The following DPP6 variants were observed in gnomAD, a reference collection of about 807,000 sequenced individuals.
The protein encoded by DPP6 is dipeptidyl peptidase like 6.
DPP6 carries 69 observed loss-of-function variants against 122.6 expected under a neutral mutation model. That is an observed-to-expected ratio of 0.56 (90% CI 0.46 to 0.69). The LOEUF (loss-of-function observed/expected upper bound fraction) is 0.69. Ranked by LOEUF, DPP6 falls within the 30% of genes least tolerant of loss-of-function variation. The pLI, the probability that DPP6 is intolerant of heterozygous loss-of-function variation, is 0.00. For synonymous variants in DPP6, 418 were observed against 433.1 expected, an observed-to-expected ratio of 0.97 and a Z score of 0.43; for missense variants, 928 against 1,116.9, an observed-to-expected ratio of 0.83 and a Z score of 2.41.
the DPP6 span, among the ~76,000 whole-genome samples, chr7:153,837,837 ATTTTTTTTT>A: frequency 0.019 from 1,506 of 80,664 alleles, 41 homozygotes; most frequent in East Asian, 0.076. Context: ...TGCCTGGTTA[ATTTTTTTTT>A]TTTTTTTTTT....
At chr7:154,245,184 C>G (rs1801893525) in intron 1 of DPP6, among the ~76,000 whole-genome samples, 1 of 151,544 alleles carries the variant, frequency 6.6e-6, no homozygotes, top group African/African-American at 2.4e-5. Flanking sequence ...AACTCCTGAC[C>G]TCAAGTGATC....
At chr7:154,102,754 C>G (rs1355304837) in intron 1 of DPP6, among the ~76,000 whole-genome samples, 4 of 152,156 alleles carry the variant, frequency 2.6e-5, no homozygotes, top group Admixed American at 2.6e-4. Context: ...TCAGACAACC[C>G]TAGCTCCCTT....
intron 3 of DPP6, among the ~76,000 whole-genome samples, chr7:154,478,971 T>G (rs1822995545): frequency 6.6e-6 from 1 of 152,090 alleles, no homozygotes. Flanking sequence ...TGTTTGTTTG[T>G]TTTTTAGTAC....
rs187777418 is a variant in DPP6 at position 154,480,151 on chromosome 7, G to T, written c.457+5114G>T. ...CCTTTCTCCCCTAAATTTTTGTTCT[G>T]TATTGGCTGATTCCTATCATGAACG... is the stretch of plus-strand genomic sequence containing the variant. On this transcript the variant is annotated intron_variant, in intron 3 of 25. Coordinates refer to ENST00000377770, the MANE Select transcript of DPP6 (RefSeq NM_130797.4). Among the ~76,000 whole-genome samples, 574 of 152,100 alleles carry T rather than the reference G, an allele frequency of 3.8e-3. 3 individuals are homozygous for T. Among genetic ancestry groups the T allele is most frequent in the African/African-American group, 0.013 (528 of 41,508 alleles).
At chr7:154,509,548 A>G (rs1417645025) in intron 3 of DPP6, among the ~76,000 whole-genome samples, 5 of 152,214 alleles carry the variant, frequency 3.3e-5, no homozygotes, top group African/African-American at 1.2e-4. Flanking sequence ...TGGTGTAACC[A>G]CTTTGGAAAA....
At chr7:154,253,033 T>C (rs1802445475) in intron 1 of DPP6, among the ~76,000 whole-genome samples, 1 of 152,220 alleles carries the variant, frequency 6.6e-6, no homozygotes, top group African/African-American at 2.4e-5. Flanking sequence ...CTGCCTGTAA[T>C]AAGCAGTAAA....
At chr7:153,943,214 T>C (rs1801780594) in intron 1 of DPP6, among the ~76,000 whole-genome samples, 1 of 152,212 alleles carries the variant, frequency 6.6e-6, no homozygotes, top group African/African-American at 2.4e-5. Context: ...AAGGAATGAA[T>C]CTCTAATGGC....
At chr7:154,406,099 G>A (rs1228155671) in intron 1 of DPP6, among the ~76,000 whole-genome samples, 2 of 152,168 alleles carry the variant, frequency 1.3e-5, no homozygotes, top group Non-Finnish European at 2.9e-5. Context: ...ATGCTGTAAA[G>A]TCTATGCAAA....
intron 1 of DPP6, among the ~76,000 whole-genome samples, chr7:153,985,728 CTAAA>C (rs1483411410): frequency 6.6e-6 from 1 of 152,112 alleles, no homozygotes; most frequent in African/African-American, 2.4e-5. Context: ...AGGAAAATGA[CTAAA>C]TAACATTTTA....
intron 1 of DPP6, among the ~76,000 whole-genome samples, chr7:154,006,133 T>C (rs1013731574): frequency 1.1e-4 from 17 of 152,268 alleles, no homozygotes; most frequent in Admixed American, 2.6e-4. Flanking sequence ...GGTACAGTTA[T>C]GGGGAACTGG....
At chr7:154,696,403 G>A (rs899869939) in intron 7 of DPP6, among the ~76,000 whole-genome samples, 8 of 152,172 alleles carry the variant, frequency 5.3e-5, no homozygotes, top group Non-Finnish European at 1.0e-4. Flanking sequence ...GTTTACCCGG[G>A]AGTCCAGGGG....
At chr7:153,980,156 T>C (rs945972279) in intron 1 of DPP6, among the ~76,000 whole-genome samples, 1 of 152,228 alleles carries the variant, frequency 6.6e-6, no homozygotes, top group Non-Finnish European at 1.5e-5. Flanking sequence ...AGAATTTGGC[T>C]GTGAATCCGT....
intron 1 of DPP6, among the ~76,000 whole-genome samples, chr7:153,896,316 C>A (rs1799413575): frequency 6.6e-6 from 1 of 152,132 alleles, no homozygotes; most frequent in African/African-American, 2.4e-5. Context: ...AAAAATGGTA[C>A]TTCTAGGGTA....
chr7:153,802,294 T>C, the DPP6 span, among the ~76,000 whole-genome samples: 2 of 152,062 alleles, frequency 1.3e-5, no homozygotes, highest in African/African-American at 4.8e-5. Flanking sequence ...TGAAAAGAAA[T>C]AATAGCTCAA....
rs368713196 is a variant in DPP6, at chr7:154,892,728, G to A, written c.*248G>A. The A allele has an allele frequency of 5.4e-5, 43 of 796,580 alleles. No individual in the cohort carries two copies. The highest frequency in any genetic ancestry group is 4.7e-4 in the African/African-American group (28 of 59,154). The allele number at this position is 796,580 out of a possible 1,614,324, so 49.3% of individuals were successfully genotyped here. On this transcript the variant is annotated 3_prime_UTR_variant, in exon 26 of 26. Transcript: ENST00000377770. ...GCAGCAGCGCCTCCTCCCGGCGCCCGAGAGACCGGCACGCCACGGCCCCTC... is the reference window on the plus strand; with the variant it reads ...GCAGCAGCGCCTCCTCCCGGCGCCCAAGAGACCGGCACGCCACGGCCCCTC...
chr7:154,157,520 T>C lies in DPP6; in HGVS notation c.243+104457T>C, dbSNP rs529133254. Among the ~76,000 whole-genome samples, 12 of 152,322 alleles carry C rather than the reference T, an allele frequency of 7.9e-5. No individual in the cohort carries two copies. In the South Asian group the frequency reaches 2.3e-3, roughly 29 times the overall value. ...TGGCTCATAGTGACAAAAACAATAG[T>C]CCCCTGCCTCTCTCCTCCTGAACTC... On this transcript the variant is annotated intron_variant, in intron 1 of 25. Coordinates refer to ENST00000377770, the MANE Select transcript of DPP6 (RefSeq NM_130797.4).
the DPP6 span, among the ~76,000 whole-genome samples, chr7:153,866,698 G>T: frequency 6.6e-6 from 1 of 152,106 alleles, no homozygotes; most frequent in Non-Finnish European, 1.5e-5. Context: ...CATTGCTTTT[G>T]GTGTTTTAGA....
intron 5 of DPP6, chr7:154,587,770 A>G (rs1474763964): frequency 6.2e-7 from 1 of 1,603,406 alleles, no homozygotes; most frequent in Non-Finnish European, 8.5e-7. Flanking sequence ...TTACATCACC[A>G]TGTCTCTTCC....
At chr7:154,891,223 C>G (rs1806575140) in intron 25 of DPP6, 1 of 151,962 alleles carries the variant, frequency 6.6e-6, no homozygotes. Context: ...AGAGTGAGAC[C>G]CTGTCTGAAA....
Sources: gnomAD v4.1 joint callset for allele counts (sites outside exome capture counted in the v4.1 genomes callset) on GRCh38, gnomAD v4.1.1 for gene constraint, MANE v1.5 for transcripts, NCBI Gene and HGNC (gene_info 2026-07-23, HGNC 2026-07-21) for gene names.